The following ARNT2 variants were observed in gnomAD, a reference collection of about 807,000 sequenced individuals.
ARNT2 encodes the protein ARNT protein 2.
A neutral mutation model predicts 91.7 loss-of-function variants in ARNT2; 36 were observed. The observed-to-expected ratio is 0.39, with a 90% CI of 0.30 to 0.52. The LOEUF is 0.52. Ranked by LOEUF, ARNT2 falls within the 20% of genes least tolerant of loss-of-function variation. The pLI is 0.72. For missense variants in ARNT2, 775 were observed against 939.3 expected (o/e 0.83, Z 2.29); for synonymous variants, 365 against 347.1 (o/e 1.05, Z -0.57).
chr15:80,431,068 A>G (rs776730541), intron 1 of ARNT2, among the ~76,000 whole-genome samples: 1 of 151,896 alleles, frequency 6.6e-6, no homozygotes, highest in South Asian at 2.1e-4. Context: ...TCCCCCCACA[A>G]AGCAATGGAC....
intron 17 of ARNT2, among the ~76,000 whole-genome samples, chr15:80,581,893 C>T (rs2141481668): frequency 6.6e-6 from 1 of 152,342 alleles, no homozygotes. Context: ...GTGCATTTCT[C>T]AGGATCCTGG....
intron 4 of ARNT2, among the ~76,000 whole-genome samples, chr15:80,470,866 A>T (rs1247125409): frequency 2.0e-5 from 3 of 152,252 alleles, no homozygotes; most frequent in African/African-American, 7.2e-5. Context: ...ATTACTAAAA[A>T]GTCAAAAAGT....
At chr15:80,535,145 A>G (rs747460053) in intron 8 of ARNT2, among the ~76,000 whole-genome samples, 1 of 152,244 alleles carries the variant, frequency 6.6e-6, no homozygotes, top group Non-Finnish European at 1.5e-5. Context: ...CAAGGATCCA[A>G]TGAGGTTGGG....
At chr15:80,537,073 A>G (rs1214859548) in intron 8 of ARNT2, among the ~76,000 whole-genome samples, 1 of 152,102 alleles carries the variant, frequency 6.6e-6, no homozygotes, top group Non-Finnish European at 1.5e-5. Context: ...CTCAGCCCAG[A>G]GCACTCTTTT....
chr15:80,437,341 C>G (rs1206657331), intron 1 of ARNT2, among the ~76,000 whole-genome samples: 1 of 152,214 alleles, frequency 6.6e-6, no homozygotes, highest in Non-Finnish European at 1.5e-5. Flanking sequence ...GCCAGAGTCT[C>G]ACCCACTCCA....
At chr15:80,538,710 G>A (rs1897860373) in intron 8 of ARNT2, among the ~76,000 whole-genome samples, 1 of 151,656 alleles carries the variant, frequency 6.6e-6, no homozygotes, top group South Asian at 2.1e-4. Flanking sequence ...AATGCCATAG[G>A]CAAACTGAGA....
Position 80,510,848 on chromosome 15 carries a change from T to G in ARNT2, c.725+2590T>G, listed in dbSNP as rs141494833. Reference sequence around the variant, plus strand: ...TCTCAAAAATAAATAAATAAATAAATAATAAAAATTTAAAAAGTCAAAAAA... The same window carrying G: ...TCTCAAAAATAAATAAATAAATAAAGAATAAAAATTTAAAAAGTCAAAAAA... On this transcript the variant is annotated intron_variant, in intron 6 of 18. Coordinates refer to ENST00000303329, the MANE Select transcript of ARNT2 (RefSeq NM_014862.4). Among the ~76,000 whole-genome samples the G allele has an allele frequency of 2.7e-4, 41 of 151,822 alleles. No individual in the cohort carries two copies. In the East Asian group the frequency reaches 7.9e-3, roughly 29 times the overall value.
In ARNT2 at chr15:80,578,109, G is replaced by C. The variant is rs554570799; in HGVS notation, c.1613+1144G>C. Among the ~76,000 whole-genome samples, 47 of 152,328 alleles carry C rather than the reference G, an allele frequency of 3.1e-4. No homozygotes were observed. The South Asian group carries it at 4.3e-3, about 14-fold the overall frequency. On this transcript the variant is annotated intron_variant, in intron 15 of 18. Coordinates refer to ENST00000303329, the MANE Select transcript of ARNT2 (RefSeq NM_014862.4). ...CCAAGCCCTGTGCCAGCCCTGCCTG[G>C]GTGCTCATGTTCATGGGGTCCTTGT...
At chr15:80,531,338 G>C (rs1432110048) in intron 8 of ARNT2, among the ~76,000 whole-genome samples, 1 of 152,238 alleles carries the variant, frequency 6.6e-6, no homozygotes, top group Non-Finnish European at 1.5e-5. Flanking sequence ...TTTCATTTGT[G>C]TGTTGTTTAT....
chr15:80,506,374 G>A (rs1897276264), intron 5 of ARNT2, among the ~76,000 whole-genome samples: 1 of 151,936 alleles, frequency 6.6e-6, no homozygotes, highest in Non-Finnish European at 1.5e-5. Flanking sequence ...GGGTTTAGAA[G>A]CAAGAAGCAA....
At chr15:80,478,698 T>A (rs971849333) in intron 5 of ARNT2, among the ~76,000 whole-genome samples, 26 of 152,134 alleles carry the variant, frequency 1.7e-4, no homozygotes, top group Non-Finnish European at 4.4e-5. Context: ...CTCTTATTGA[T>A]TCCGTGGGGG....
intron 6 of ARNT2, among the ~76,000 whole-genome samples, chr15:80,511,302 C>T (rs1897337278): frequency 6.6e-6 from 1 of 152,168 alleles, no homozygotes; most frequent in African/African-American, 2.4e-5. Flanking sequence ...CGCATATTCT[C>T]ACTTACAAGT....
intron 8 of ARNT2, among the ~76,000 whole-genome samples, chr15:80,539,475 A>G (rs990520826): frequency 5.3e-5 from 8 of 152,204 alleles, no homozygotes; most frequent in Admixed American, 2.0e-4. Context: ...CACACTTGAA[A>G]CCATAATTAA....
intron 5 of ARNT2, among the ~76,000 whole-genome samples, chr15:80,476,153 A>G (rs1896799640): frequency 6.6e-6 from 1 of 152,228 alleles, no homozygotes; most frequent in Admixed American, 6.5e-5. Flanking sequence ...TTTGCTTAAG[A>G]GGTGGTCTCA....
intron 1 of ARNT2, among the ~76,000 whole-genome samples, chr15:80,414,273 C>G (rs1895745124): frequency 6.6e-6 from 1 of 152,152 alleles, no homozygotes; most frequent in African/African-American, 2.4e-5. Flanking sequence ...CGGGTAGAGG[C>G]CAAGGATGCT....
chr15:80,516,351 A>T (rs531713223), intron 8 of ARNT2, among the ~76,000 whole-genome samples: 9 of 152,152 alleles, frequency 5.9e-5, no homozygotes, highest in Admixed American at 5.2e-4. Context: ...TTTTTGCGTC[A>T]CGTATTTTGA....
In ARNT2 at chr15:80,426,937, C is replaced by G. The variant is rs376428068; in HGVS notation, c.31+22391C>G. ...GTGGCAGAGGGAGCAGGGAAGCGAG[C>G]TGTCTGGTATGTCTTCTTTTCATCC... On this transcript the variant is annotated intron_variant, in intron 1 of 18. Transcript: ENST00000303329. Among the ~76,000 whole-genome samples, 3 of 152,282 alleles carry G rather than the reference C, an allele frequency of 2.0e-5. No individual in the cohort carries two copies. The East Asian group carries it at 5.8e-4, about 29-fold the overall frequency.
intron 4 of ARNT2, among the ~76,000 whole-genome samples, chr15:80,472,701 A>G (rs1168704887): frequency 6.6e-6 from 1 of 152,212 alleles, no homozygotes; most frequent in African/African-American, 2.4e-5. Context: ...CACCTCTGTA[A>G]AAATAAATGC....
chr15:80,461,983 C>G (rs892688484), intron 3 of ARNT2, among the ~76,000 whole-genome samples: 2 of 152,124 alleles, frequency 1.3e-5, no homozygotes, highest in African/African-American at 2.4e-5. Context: ...CAAAGATGAT[C>G]CTCCCGGGCA....
Sources: gnomAD v4.1 joint callset for allele counts (sites outside exome capture counted in the v4.1 genomes callset) on GRCh38, gnomAD v4.1.1 for gene constraint, MANE v1.5 for transcripts, NCBI Gene and HGNC (gene_info 2026-07-23, HGNC 2026-07-21) for gene names.